The following PCDH9 variants were observed in gnomAD, a reference collection of about 807,000 sequenced individuals.
PCDH9 encodes the protein protocadherin 9.
PCDH9 carries 24 observed loss-of-function variants against 70.6 expected under a neutral mutation model. The observed-to-expected ratio is 0.34, with a 90% CI of 0.25 to 0.48. The LOEUF is 0.48. Ranked by LOEUF, PCDH9 falls within the 20% of genes least tolerant of loss-of-function variation. PCDH9 has a pLI of 0.99. For missense variants in PCDH9, 1,281 were observed against 1,503.6 expected, an observed-to-expected ratio of 0.85 and a Z score of 2.45; for synonymous variants, 562 against 558.5, an observed-to-expected ratio of 1.01 and a Z score of -0.09.
chr13:66,820,147 G>A (rs1265445372), intron 3 of PCDH9, among the ~76,000 whole-genome samples: 1 of 151,360 alleles, frequency 6.6e-6, no homozygotes, highest in Admixed American at 6.6e-5. Context: ...TAAATATTTT[G>A]TAAATATTTA....
chr13:66,694,873 T>C (rs2139092208), intron 3 of PCDH9, among the ~76,000 whole-genome samples: 1 of 152,026 alleles, frequency 6.6e-6, no homozygotes. Context: ...AAATGAGCAT[T>C]ACTTTAAAAA....
chr13:66,913,228 A>G (rs909004659), intron 2 of PCDH9, among the ~76,000 whole-genome samples: 4 of 152,052 alleles, frequency 2.6e-5, no homozygotes, highest in African/African-American at 9.7e-5. Context: ...TTATATTTGT[A>G]AGAGTATAGA....
At chr13:66,937,199 T>C (rs888248278) in intron 2 of PCDH9, among the ~76,000 whole-genome samples, 5 of 152,190 alleles carry the variant, frequency 3.3e-5, no homozygotes, top group Non-Finnish European at 7.4e-5. Flanking sequence ...ATTATCCTAT[T>C]TGGTAACAGT....
chr13:66,583,599 G>A (rs960448311), intron 4 of PCDH9, among the ~76,000 whole-genome samples: 2 of 151,470 alleles, frequency 1.3e-5, no homozygotes, highest in Non-Finnish European at 2.9e-5. Context: ...GGGTGACAGA[G>A]TGAGACTCCC....
chr13:67,141,431 CTCTT>C (rs750264751), intron 2 of PCDH9, among the ~76,000 whole-genome samples: 19 of 151,594 alleles, frequency 1.3e-4, no homozygotes, highest in Non-Finnish European at 2.2e-4. Flanking sequence ...CTCTCTCTCT[CTCTT>C]TATTTTATTA....
chr13:66,526,524 T>TCC (rs1239994083), intron 4 of PCDH9, among the ~76,000 whole-genome samples: 2 of 151,664 alleles, frequency 1.3e-5, no homozygotes, highest in African/African-American at 4.8e-5. Context: ...TCTCTCTCTC[T>TCC]CTCTCTCTGT....
intron 2 of PCDH9, among the ~76,000 whole-genome samples, chr13:67,058,446 T>C (rs1023298884): frequency 2.6e-5 from 4 of 152,178 alleles, no homozygotes; most frequent in African/African-American, 4.8e-5. Context: ...GTTTCCATTG[T>C]ACTCAGTATG....
chr13:67,225,802 G>C lies in PCDH9; in HGVS notation c.2639C>G (p.Ser880Cys). The C allele has an allele frequency of 6.2e-7, 1 of 1,614,102 alleles. No homozygotes were observed. The highest frequency in any genetic ancestry group is 8.5e-7 in the Non-Finnish European group (1 of 1,179,984). Reference sequence around the variant, plus strand: ...TTCGATAGTAACAAAGTTCAAAAGAGAGCTTTTGGGAGACTTCCTTTTCTT... The same window carrying C: ...TTCGATAGTAACAAAGTTCAAAAGACAGCTTTTGGGAGACTTCCTTTTCTT... ...KRKKRKSPKS[S>C]LLNFVTIEES... The change falls in exon 2 of 5, where the codon TCT (serine) becomes TGT (cysteine). Residue 880 changes from serine to cysteine, a missense_variant. Physicochemically the swap from Ser to Cys is moderately radical, Grantham distance 112 (BLOSUM62 -1). This residue lies in a region of PCDH9 where 207 missense variants were observed against 191.8 expected (regional missense o/e 1.08). Coordinates refer to ENST00000377865, the MANE Select transcript of PCDH9 (RefSeq NM_203487.3).
At chr13:66,744,559 A>G (rs905422724) in intron 3 of PCDH9, among the ~76,000 whole-genome samples, 4 of 152,196 alleles carry the variant, frequency 2.6e-5, no homozygotes, top group Admixed American at 6.6e-5. Flanking sequence ...CATTCCCAGT[A>G]CTTGTTTAAT....
At chr13:66,798,753 C>T (rs914218155) in intron 3 of PCDH9, among the ~76,000 whole-genome samples, 1 of 152,094 alleles carries the variant, frequency 6.6e-6, no homozygotes, top group African/African-American at 2.4e-5. Flanking sequence ...AGCACAGGCA[C>T]AGAAAGAAAA....
intron 4 of PCDH9, among the ~76,000 whole-genome samples, chr13:66,583,812 A>G: frequency 6.6e-6 from 1 of 152,162 alleles, no homozygotes; most frequent in African/African-American, 2.4e-5. Context: ...TGGAACAGAG[A>G]AATATAACTT....
At chr13:66,974,974 G>T (rs1033435256) in intron 2 of PCDH9, among the ~76,000 whole-genome samples, 1 of 151,960 alleles carries the variant, frequency 6.6e-6, no homozygotes, top group African/African-American at 2.4e-5. Flanking sequence ...ACTAATAAAA[G>T]CCTGTCTATG....
intron 3 of PCDH9, among the ~76,000 whole-genome samples, chr13:66,756,425 GT>G (rs913452539): frequency 6.6e-6 from 1 of 152,166 alleles, no homozygotes; most frequent in African/African-American, 2.4e-5. Flanking sequence ...ACACACCACT[GT>G]TTACAATTAA....
chr13:66,474,764 G>A (rs1958688495), intron 4 of PCDH9, among the ~76,000 whole-genome samples: 1 of 152,024 alleles, frequency 6.6e-6, no homozygotes, highest in Non-Finnish European at 1.5e-5. Flanking sequence ...GTCATCAAGG[G>A]CATCTTAGGC....
At chr13:66,418,974 A>C (rs1479293205) in intron 4 of PCDH9, among the ~76,000 whole-genome samples, 1 of 152,178 alleles carries the variant, frequency 6.6e-6, no homozygotes, top group Admixed American at 6.5e-5. Context: ...TGTGTAAATA[A>C]ACTATAAAAT....
intron 2 of PCDH9, among the ~76,000 whole-genome samples, chr13:67,053,235 G>A (rs1191185831): frequency 6.6e-6 from 1 of 152,084 alleles, no homozygotes. Context: ...GCAGAGCTTT[G>A]TCCAAAAATA....
chr13:67,125,877 G>C (rs2086969455), intron 2 of PCDH9, among the ~76,000 whole-genome samples: 2 of 151,864 alleles, frequency 1.3e-5, no homozygotes. Flanking sequence ...ATGTATGCAT[G>C]TGTATATATA....
At chr13:66,385,435 T>G (rs1956912410) in intron 4 of PCDH9, among the ~76,000 whole-genome samples, 1 of 152,154 alleles carries the variant, frequency 6.6e-6, no homozygotes, top group Non-Finnish European at 1.5e-5. Flanking sequence ...CATGCCTCCG[T>G]CTAGCCCGCC....
intron 4 of PCDH9, among the ~76,000 whole-genome samples, chr13:66,315,799 C>T (rs918645139): frequency 6.6e-6 from 1 of 152,162 alleles, no homozygotes; most frequent in African/African-American, 2.4e-5. Flanking sequence ...CATTTCTTAA[C>T]AGGACTTGCT....
Sources: allele counts gnomAD v4.1 joint callset (sites outside exome capture counted in the v4.1 genomes callset), GRCh38; gene constraint gnomAD v4.1.1; regional missense constraint gnomAD v4.1.1; transcripts MANE v1.5; gene names NCBI Gene and HGNC (gene_info 2026-07-23, HGNC 2026-07-21).